Variants in C22orf31 observed in about 807,000 individuals in gnomAD.
C22orf31 encodes the protein uncharacterized protein C22orf31.
Under a neutral mutation model 15.0 loss-of-function variants are expected in C22orf31, and 11 were observed. The ratio of observed to expected loss-of-function variants is 0.73; its 90% confidence interval spans 0.46 to 1.21. C22orf31 has a LOEUF of 1.21. Among genes scored for constraint, C22orf31 ranks in the 50% most tolerant of loss-of-function variants. The pLI, the probability that C22orf31 is intolerant of heterozygous loss-of-function variation, is 0.00. For synonymous variants in C22orf31, 132 were observed against 133.3 expected (o/e 0.99, Z 0.07); for missense variants, 340 against 347.2 (o/e 0.98, Z 0.17).
Position 29,060,511 on chromosome 22 carries a change from C to T in C22orf31, c.336G>A (p.Val112=), listed in dbSNP as rs146314981. The T allele has an allele frequency of 1.1e-5, 17 of 1,614,012 alleles. No homozygotes were observed. Among genetic ancestry groups the T allele is most frequent in the Non-Finnish European group, 1.4e-5 (16 of 1,180,024 alleles). ...SKRLKHKDDS[V]MKATQQARKR... ...TCCTGGCCTGCTGGGTGGCTTTCATCACTGAATCGTCCTTGTGCTTTAATC... is the reference window on the plus strand; with the variant it reads ...TCCTGGCCTGCTGGGTGGCTTTCATTACTGAATCGTCCTTGTGCTTTAATC... The change falls in exon 2 of 3, where the codon GTG becomes GTA. Residue 112 remains valine (V), a synonymous_variant. Transcript: ENST00000216071.
chr22:29,064,156 C>T (rs1338200579), upstream of C22orf31, among the ~76,000 whole-genome samples: 1 of 152,178 alleles, frequency 6.6e-6, no homozygotes, highest in East Asian at 1.9e-4. Context: ...GTGTGAATCA[C>T]CACACCCAGC....
At chr22:29,070,689 T>C in the C22orf31 span, among the ~76,000 whole-genome samples, 3 of 152,266 alleles carry the variant, frequency 2.0e-5, no homozygotes, top group South Asian at 2.1e-4. Flanking sequence ...AGCCCAGGAA[T>C]TGGAGGCTGC....
chr22:29,066,948 G>A, the C22orf31 span, among the ~76,000 whole-genome samples: 3 of 152,040 alleles, frequency 2.0e-5, no homozygotes, highest in Non-Finnish European at 4.4e-5. Context: ...AACTCATTAT[G>A]TTCAAGACCA....
chr22:29,069,698 A>C, the C22orf31 span, among the ~76,000 whole-genome samples: 19 of 152,272 alleles, frequency 1.2e-4, no homozygotes, highest in Admixed American at 9.2e-4. Context: ...CCTCTTGTGC[A>C]CTGTTTCCAT....
At chr22:29,065,010 C>T (rs950988070), upstream of C22orf31, among the ~76,000 whole-genome samples, 18 of 151,868 alleles carry the variant, frequency 1.2e-4, 1 homozygote, top group Non-Finnish European at 1.2e-4. Flanking sequence ...TGCACCACCA[C>T]GCCCGGCTAA....
the C22orf31 span, among the ~76,000 whole-genome samples, chr22:29,070,548 G>A: frequency 6.6e-6 from 1 of 152,220 alleles, no homozygotes; most frequent in Admixed American, 6.5e-5. Context: ...GTGAACTGGA[G>A]AGACCTGTGT....
At chr22:29,059,670 C>T (rs140087268) in intron 2 of C22orf31, 8 of 983,974 alleles carry the variant, frequency 8.1e-6, no homozygotes, top group East Asian at 1.1e-4. Context: ...CTGGCCACCA[C>T]GGGGTAACAT....
At chr22:29,069,807 CA>C in the C22orf31 span, among the ~76,000 whole-genome samples, 77,048 of 151,748 alleles carry the variant, frequency 0.51, 20,410 homozygotes, top group Middle Eastern at 0.64. Context: ...AGCTTGCACA[CA>C]AATTTCTGAG....
chr22:29,064,632 G>A (rs1159334518), upstream of C22orf31, among the ~76,000 whole-genome samples: 1 of 145,774 alleles, frequency 6.9e-6, no homozygotes, highest in Non-Finnish European at 1.5e-5. Context: ...TCCCACTTTG[G>A]CCTCCCAAGT....
the C22orf31 span, among the ~76,000 whole-genome samples, chr22:29,068,910 G>A: frequency 5.9e-5 from 9 of 151,288 alleles, no homozygotes; most frequent in Non-Finnish European, 8.9e-5. Flanking sequence ...GACTACAGGC[G>A]CCCGCCACTA....
At chr22:29,070,291 C>T in the C22orf31 span, among the ~76,000 whole-genome samples, 1 of 152,212 alleles carries the variant, frequency 6.6e-6, no homozygotes, top group Non-Finnish European at 1.5e-5. Flanking sequence ...CATACATTTT[C>T]ATTTCTCACT....
At chr22:29,069,832 T>C in the C22orf31 span, among the ~76,000 whole-genome samples, 1 of 152,110 alleles carries the variant, frequency 6.6e-6, no homozygotes, top group South Asian at 2.1e-4. Flanking sequence ...TGTTGTACAA[T>C]AGGACCATTT....
chr22:29,061,607 C>T (rs1420675785), intron 1 of C22orf31, among the ~76,000 whole-genome samples, 183 bp downstream of exon 1: 2 of 152,112 alleles, frequency 1.3e-5, no homozygotes. Context: ...AAGAAGAGCT[C>T]ATTCACAGGG....
In C22orf31 at chr22:29,060,840, G is replaced by C; in HGVS notation, c.7C>G (p.Pro3Ala). The change falls in exon 2 of 3, where the codon CCA (proline) becomes GCA (alanine). Residue 3 changes from proline to alanine, a missense_variant. By Grantham distance (27) the Pro-to-Ala change is conservative. Transcript: ENST00000216071. The part of the protein sequence containing the change: MH[P>A]INVRRDPSIP... ...CTGGGGTCTCGTCTCACATTGATTGGGTGCTAGAATTATAAGGAGGGAGAA... is the reference window on the plus strand; with the variant it reads ...CTGGGGTCTCGTCTCACATTGATTGCGTGCTAGAATTATAAGGAGGGAGAA... The C allele has an allele frequency of 6.2e-7, 1 of 1,610,102 alleles. No individual in the cohort carries two copies.
Position 29,058,676 on chromosome 22 carries a change from G to C in C22orf31, c.*66C>G. ...AAAGCACTCTGCGATAACACGGAAG[G>C]TGCAAAGTTGTGTTTATTTTTCAGA... On this transcript the variant is annotated 3_prime_UTR_variant, in exon 3 of 3. Transcript: ENST00000216071. 2.4e-6 allele frequency: 3 copies of C among 1,271,386 alleles called. No individual in the cohort carries two copies. The highest frequency in any genetic ancestry group is 3.3e-6 in the Non-Finnish European group (3 of 906,130). The allele number at this position is 1,271,386 out of a possible 1,614,324, so 78.8% of individuals were successfully genotyped here.
At chr22:29,063,295 C>T (rs1187497174), upstream of C22orf31, among the ~76,000 whole-genome samples, 2 of 152,060 alleles carry the variant, frequency 1.3e-5, no homozygotes, top group Non-Finnish European at 2.9e-5. Context: ...CCACCCAAGA[C>T]GCTGGGATTA....
intron 1 of C22orf31, 135 bp from the exon 2 acceptor site, chr22:29,060,978 A>G (rs900086368): frequency 1.7e-5 from 12 of 717,206 alleles, no homozygotes; most frequent in African/African-American, 3.7e-5. Flanking sequence ...GAAATTTACT[A>G]TATGTCCTCT....
chr22:29,059,835 TTCATG>T, intron 2 of C22orf31: 1 of 985,258 alleles, frequency 1.0e-6, no homozygotes. Context: ...TTATTTTTCC[TTCATG>T]TCAAGTCTGT....
chr22:29,060,737 A>G lies in C22orf31; in HGVS notation c.110T>C (p.Leu37Pro), dbSNP rs2037382256. ...TGTTCTGGCCATCCAGATGTTGGTGAGAGCCGGTGAGTCCACATAGCAGTC... is the reference window on the plus strand; with the variant it reads ...TGTTCTGGCCATCCAGATGTTGGTGGGAGCCGGTGAGTCCACATAGCAGTC... The part of the protein sequence containing the change: ...LQDCYVDSPA[L>P]TNIWMARTCA... The change falls in exon 2 of 3, where the codon CTC (leucine) becomes CCC (proline). Residue 37 changes from leucine to proline, a missense_variant. By Grantham distance (98) the Leu-to-Pro change is moderately conservative. Coordinates refer to ENST00000216071, the MANE Select transcript of C22orf31 (RefSeq NM_015370.2). The G allele has an allele frequency of 1.9e-6, 3 of 1,614,146 alleles. No individual in the cohort carries two copies. The highest frequency in any genetic ancestry group is 2.5e-6 in the Non-Finnish European group (3 of 1,180,032).
Sources: allele counts gnomAD v4.1 joint callset (sites outside exome capture counted in the v4.1 genomes callset), GRCh38; gene constraint gnomAD v4.1.1; transcripts MANE v1.5; gene names NCBI Gene and HGNC (gene_info 2026-07-23, HGNC 2026-07-21).